UGT1A6: variants seen among roughly 807,000 people sequenced by gnomAD.
UGT1A6 encodes UDP glucuronosyltransferase family 1 member A6, also known as UDP-glucuronosyltransferase 1A6.
In UGT1A6, 32 loss-of-function variants were observed where a neutral mutation model predicts 44.4. The ratio of observed to expected loss-of-function variants is 0.72; its 90% CI spans 0.54 to 0.97. The LOEUF is 0.97. Among genes scored for constraint, UGT1A6 ranks in the 50% least tolerant of loss-of-function variants. The probability of loss-of-function intolerance (pLI) is 0.00; values close to 1 mark genes in which losing one functional copy is unlikely to be tolerated. For synonymous variants in UGT1A6, 238 were observed against 248.5 expected (o/e 0.96, Z 0.40); for missense variants, 685 against 661.9 (o/e 1.03, Z -0.38).
chr2:233,747,504 C>T, intron 1 of UGT1A6: 2 of 1,608,416 alleles, frequency 1.2e-6, no homozygotes, highest in South Asian at 2.2e-5. Flanking sequence ...GGGCCACACT[C>T]AACTGTACTT....
intron 1 of UGT1A6, chr2:233,713,745 G>A: frequency 6.2e-7 from 1 of 1,613,988 alleles, no homozygotes; most frequent in Non-Finnish European, 8.5e-7. Context: ...TGTCAGCCAT[G>A]CATCTGTGTG....
intron 1 of UGT1A6, among the ~76,000 whole-genome samples, chr2:233,702,329 CTTGT>C (rs763433492): frequency 2.7e-4 from 41 of 152,036 alleles, no homozygotes; most frequent in Non-Finnish European, 5.0e-4. Flanking sequence ...CATTTCTGAA[CTTGT>C]TTATTTGTTC....
At chr2:233,709,543 G>T (rs1204039913) in intron 1 of UGT1A6, among the ~76,000 whole-genome samples, 2 of 152,024 alleles carry the variant, frequency 1.3e-5, no homozygotes, top group Non-Finnish European at 2.9e-5. Context: ...TGTGATATAT[G>T]TAAGTACTTA....
chr2:233,697,011 C>T (rs1017901649), intron 1 of UGT1A6, among the ~76,000 whole-genome samples: 2 of 151,922 alleles, frequency 1.3e-5, no homozygotes, highest in African/African-American at 2.4e-5. Context: ...CATCTATGTT[C>T]GTCAGAGATA....
chr2:233,719,552 A>G (rs2076779891), intron 1 of UGT1A6: 8 of 1,613,748 alleles, frequency 5.0e-6, no homozygotes, highest in South Asian at 4.4e-5. Context: ...GAGAGGTGTC[A>G]GTGGTGGATC....
chr2:233,726,069 G>A (rs1424606442), intron 1 of UGT1A6, among the ~76,000 whole-genome samples: 2 of 152,174 alleles, frequency 1.3e-5, no homozygotes, highest in African/African-American at 4.8e-5. Context: ...AGGAGGCTGA[G>A]GCAGGAGGAT....
intron 1 of UGT1A6, chr2:233,718,679 A>C: frequency 6.4e-7 from 1 of 1,568,142 alleles, no homozygotes; most frequent in Non-Finnish European, 8.6e-7. Context: ...ATGGGTAATA[A>C]GTAACTGGAG....
At chr2:233,731,132 C>G (rs1241024479) in intron 1 of UGT1A6, among the ~76,000 whole-genome samples, 5 of 152,006 alleles carry the variant, frequency 3.3e-5, no homozygotes, top group African/African-American at 7.3e-5. Context: ...GCAAAAGACT[C>G]TAAGCTTCAT....
At chr2:233,705,353 T>C (rs1442093657) in intron 1 of UGT1A6, among the ~76,000 whole-genome samples, 1 of 152,192 alleles carries the variant, frequency 6.6e-6, no homozygotes, top group African/African-American at 2.4e-5. Flanking sequence ...TCTTATTACA[T>C]GGGGTTTTGC....
intron 1 of UGT1A6, among the ~76,000 whole-genome samples, chr2:233,699,450 A>G (rs1488653685): frequency 6.6e-6 from 1 of 152,212 alleles, no homozygotes; most frequent in African/African-American, 2.4e-5. Context: ...TGTTTTCCTT[A>G]GAACAAAGGA....
At chr2:233,695,065 G>C (rs1177586033) in intron 1 of UGT1A6, among the ~76,000 whole-genome samples, 1 of 151,672 alleles carries the variant, frequency 6.6e-6, no homozygotes, top group Non-Finnish European at 1.5e-5. Flanking sequence ...CTGTGCTATC[G>C]CACTTTGGAC....
intron 1 of UGT1A6, chr2:233,747,663 A>G (rs1693743118): frequency 1.9e-6 from 3 of 1,600,614 alleles, no homozygotes; most frequent in Admixed American, 1.7e-5. Flanking sequence ...TGTGGTTTTA[A>G]TAGACCCAAT....
chr2:233,761,011 G>A, intron 1 of UGT1A6: 1 of 1,614,156 alleles, frequency 6.2e-7, no homozygotes, highest in Non-Finnish European at 8.5e-7. Flanking sequence ...TCAGAGAGAG[G>A]TGACTGTCCA....
At chr2:233,742,458 C>T (rs1691985678) in intron 1 of UGT1A6, among the ~76,000 whole-genome samples, 1 of 151,914 alleles carries the variant, frequency 6.6e-6, no homozygotes, top group African/African-American at 2.4e-5. Context: ...GTTCCTTGCC[C>T]TTATTCCAGT....
chr2:233,717,700 C>T (rs781386473), intron 1 of UGT1A6: 1 of 445,996 alleles, frequency 2.2e-6, no homozygotes, highest in Non-Finnish European at 4.5e-6. Flanking sequence ...CTTTCTGGAG[C>T]AGGACGAGCC....
intron 1 of UGT1A6, chr2:233,730,092 A>G: frequency 1.3e-6 from 2 of 1,595,278 alleles, no homozygotes. Context: ...TTATCTTTCC[A>G]AATATTTCAT....
intron 1 of UGT1A6, chr2:233,760,664 G>C (rs1215512591): frequency 6.2e-7 from 1 of 1,614,182 alleles, no homozygotes; most frequent in Admixed American, 1.7e-5. Context: ...CTTTTGTCTG[G>C]CTGTTCCCAC....
At chr2:233,761,315 C>T (rs1196056744) in intron 1 of UGT1A6, among the ~76,000 whole-genome samples, 1 of 152,360 alleles carries the variant, frequency 6.6e-6, no homozygotes, top group East Asian at 1.9e-4. Flanking sequence ...TCTTTGGCAT[C>T]ATCTTCTGGA....
chr2:233,713,342 GAAC>G, intron 1 of UGT1A6: 1 of 1,614,196 alleles, frequency 6.2e-7, no homozygotes, highest in Non-Finnish European at 8.5e-7. Context: ...TGGCAATTAT[GAAC>G]AATATGTCTT....
Sources: allele counts gnomAD v4.1 joint callset (sites outside exome capture counted in the v4.1 genomes callset), GRCh38; gene constraint gnomAD v4.1.1; transcripts MANE v1.5; gene names NCBI Gene and HGNC (gene_info 2026-07-23, HGNC 2026-07-21).